SLC1A3: variants seen among roughly 807,000 people sequenced by gnomAD.
SLC1A3 encodes the protein solute carrier family 1 member 3.
In SLC1A3, 21 loss-of-function variants were observed where a neutral mutation model predicts 48.1. That is an observed-to-expected ratio of 0.44 (90% CI 0.31 to 0.63). The LOEUF is 0.63. Ranked by LOEUF, SLC1A3 falls within the 20% of genes least tolerant of loss-of-function variation. SLC1A3 has a pLI of 0.08. For missense variants in SLC1A3, 546 were observed against 689.0 expected (o/e 0.79, Z 2.32); for synonymous variants, 239 against 251.4 (o/e 0.95, Z 0.47).
chr5:36,676,648 ATGTGTG>A (rs3051481), intron 5 of SLC1A3, among the ~76,000 whole-genome samples: 1 of 149,924 alleles, frequency 6.7e-6, no homozygotes, highest in African/African-American at 2.4e-5. Context: ...GAGTGTGTGT[ATGTGTG>A]TGTGTGTGTG....
At chr5:36,619,807 T>C (rs1739593292) in intron 2 of SLC1A3, among the ~76,000 whole-genome samples, 1 of 152,200 alleles carries the variant, frequency 6.6e-6, no homozygotes, top group Non-Finnish European at 1.5e-5. Flanking sequence ...AATGGCTAAA[T>C]TGCTAAAACA....
chr5:36,629,847 T>C (rs1224560393), intron 3 of SLC1A3: 5 of 465,678 alleles, frequency 1.1e-5, no homozygotes, highest in Non-Finnish European at 1.6e-5. Context: ...CGAGGTGCCC[T>C]GCTAAACACC....
chr5:36,654,052 C>T (rs529825454), intron 3 of SLC1A3, among the ~76,000 whole-genome samples: 1 of 152,298 alleles, frequency 6.6e-6, no homozygotes, highest in South Asian at 2.1e-4. Context: ...CCATGTTGGT[C>T]AGGCTGGTCT....
chr5:36,681,875 G>C (rs1005667814), intron 8 of SLC1A3, among the ~76,000 whole-genome samples: 41 of 152,000 alleles, frequency 2.7e-4, no homozygotes, highest in Non-Finnish European at 5.0e-4. Flanking sequence ...AGTCAGATTT[G>C]GGGGGATTTT....
intron 3 of SLC1A3, among the ~76,000 whole-genome samples, chr5:36,657,686 A>G (rs1282385344): frequency 6.6e-6 from 1 of 152,232 alleles, no homozygotes; most frequent in Admixed American, 6.5e-5. Flanking sequence ...GATGAAGTTG[A>G]GCAAGGAATA....
chr5:36,608,524 A>G lies in SLC1A3; in HGVS notation c.101A>G (p.Gln34Arg). The G allele has an allele frequency of 6.2e-7, 1 of 1,614,082 alleles. No individual in the cohort carries two copies. Residue 34 changes from glutamine to arginine, a missense_variant, in exon 2 of 10, where the codon CAG becomes CGG. Physicochemically the swap from Gln to Arg is conservative, Grantham distance 43. Coordinates refer to ENST00000265113, the MANE Select transcript of SLC1A3 (RefSeq NM_004172.5). ...KRTLLAKKKVQNITKEDVKSY... is the reference protein window; with the variant it reads ...KRTLLAKKKVRNITKEDVKSY... ...ACACTTTTGGCCAAGAAGAAAGTGC[A>G]GAACATTACAAAGGAGGATGTTAAA...
chr5:36,602,785 C>T (rs1355113631), upstream of SLC1A3, among the ~76,000 whole-genome samples: 3 of 152,192 alleles, frequency 2.0e-5, no homozygotes, highest in African/African-American at 4.8e-5. Flanking sequence ...TCTGCCCTTG[C>T]TCAGTCCTCT....
At chr5:36,663,922 G>A (rs1051914188) in intron 3 of SLC1A3, among the ~76,000 whole-genome samples, 3 of 152,174 alleles carry the variant, frequency 2.0e-5, no homozygotes, top group African/African-American at 7.2e-5. Flanking sequence ...ATTCCGTGAA[G>A]TGAACCTTTC....
At chr5:36,644,712 A>T (rs1218951520) in intron 3 of SLC1A3, among the ~76,000 whole-genome samples, 1 of 152,230 alleles carries the variant, frequency 6.6e-6, no homozygotes, top group Admixed American at 6.5e-5. Flanking sequence ...TCACTTTTAC[A>T]CTGCTTTGAG....
At chr5:36,614,749 CT>C (rs1739360857) in intron 2 of SLC1A3, among the ~76,000 whole-genome samples, 1 of 152,278 alleles carries the variant, frequency 6.6e-6, no homozygotes, top group East Asian at 1.9e-4. Context: ...TCCTCCAGCC[CT>C]TTGGTGCCTA....
At chr5:36,642,106 C>A (rs1740638511) in intron 3 of SLC1A3, among the ~76,000 whole-genome samples, 1 of 151,984 alleles carries the variant, frequency 6.6e-6, no homozygotes, top group Admixed American at 6.6e-5. Context: ...ATCTATAAAC[C>A]TTTTTTCTCC....
intron 2 of SLC1A3, among the ~76,000 whole-genome samples, chr5:36,620,220 T>C (rs907314987): frequency 2.6e-5 from 4 of 152,114 alleles, no homozygotes; most frequent in Non-Finnish European, 5.9e-5. Context: ...ATTAAATCAT[T>C]TAGATAAAGC....
chr5:36,608,823 A>C, intron 2 of SLC1A3: 1 of 1,316,714 alleles, frequency 7.6e-7, no homozygotes, highest in Non-Finnish European at 9.6e-7. Flanking sequence ...GCATTATGCA[A>C]ATCAATTGTG....
chr5:36,616,056 C>A (rs1200018198), intron 2 of SLC1A3, among the ~76,000 whole-genome samples: 1 of 152,072 alleles, frequency 6.6e-6, no homozygotes, highest in Non-Finnish European at 1.5e-5. Context: ...ATTAGCCAGG[C>A]GCGGTGGCGG....
At chr5:36,679,176 C>T (rs1315178783) in intron 6 of SLC1A3, among the ~76,000 whole-genome samples, 1 of 152,096 alleles carries the variant, frequency 6.6e-6, no homozygotes, top group African/African-American at 2.4e-5. Flanking sequence ...TTCCAAAAGT[C>T]TGGATATTGG....
chr5:36,614,432 G>C (rs1490909239), intron 2 of SLC1A3, among the ~76,000 whole-genome samples: 2 of 152,138 alleles, frequency 1.3e-5, no homozygotes, highest in Non-Finnish European at 2.9e-5. Flanking sequence ...AGAGTTGTAG[G>C]AAGAGCCTTA....
At chr5:36,619,791 AATTGT>A (rs1203980728) in intron 2 of SLC1A3, among the ~76,000 whole-genome samples, 1 of 152,248 alleles carries the variant, frequency 6.6e-6, no homozygotes, top group Non-Finnish European at 1.5e-5. Context: ...CTGCCATAAT[AATTGT>A]AATGGCTAAA....
intron 3 of SLC1A3, among the ~76,000 whole-genome samples, chr5:36,644,217 T>A (rs1266015764): frequency 6.6e-6 from 1 of 151,660 alleles, no homozygotes; most frequent in Non-Finnish European, 1.5e-5. Context: ...ACCTTTTGTT[T>A]GTCTTAGGTG....
At chr5:36,660,249 C>T (rs1160729427) in intron 3 of SLC1A3, among the ~76,000 whole-genome samples, 1 of 152,154 alleles carries the variant, frequency 6.6e-6, no homozygotes, top group African/African-American at 2.4e-5. Flanking sequence ...AATGTTACTT[C>T]CACATCCTTT....
Sources: gnomAD v4.1 joint callset for allele counts (sites outside exome capture counted in the v4.1 genomes callset) on GRCh38, gnomAD v4.1.1 for gene constraint, MANE v1.5 for transcripts, NCBI Gene and HGNC (gene_info 2026-07-23, HGNC 2026-07-21) for gene names.